Variants in SNAP91 observed in about 807,000 individuals in gnomAD.
The protein encoded by SNAP91 is synaptosome associated protein 91.
SNAP91 carries 27 observed loss-of-function variants against 100.3 expected under a neutral mutation model. The observed-to-expected ratio is 0.27, with a 90% confidence interval of 0.20 to 0.37. The LOEUF (loss-of-function observed/expected upper bound fraction) is 0.37. SNAP91 is among the 10% of genes least tolerant of loss of function. The pLI is 1.00. For missense variants in SNAP91, 986 were observed against 1,123.7 expected, an observed-to-expected ratio of 0.88 and a Z score of 1.75; for synonymous variants, 404 against 398.6, an observed-to-expected ratio of 1.01 and a Z score of -0.16.
intron 2 of SNAP91, among the ~76,000 whole-genome samples, chr6:83,677,552 C>T (rs2098928082): frequency 6.6e-6 from 1 of 152,092 alleles, no homozygotes; most frequent in Non-Finnish European, 1.5e-5. Context: ...ATTGTCAATC[C>T]TTAGGGTAGT....
chr6:83,648,502 G>A (rs1046518940), intron 7 of SNAP91, among the ~76,000 whole-genome samples: 2 of 151,902 alleles, frequency 1.3e-5, no homozygotes, highest in African/African-American at 4.8e-5. Flanking sequence ...TAAGTTAGGT[G>A]TATGTTTCTT....
At chr6:83,651,907 A>G (rs1347499469) in intron 7 of SNAP91, among the ~76,000 whole-genome samples, 1 of 152,098 alleles carries the variant, frequency 6.6e-6, no homozygotes, top group African/African-American at 2.4e-5. Flanking sequence ...TTTGCCACAC[A>G]TATTTGTTGA....
At chr6:83,626,420 T>A (rs538937276) in intron 8 of SNAP91, among the ~76,000 whole-genome samples, 1 of 152,150 alleles carries the variant, frequency 6.6e-6, no homozygotes, top group Non-Finnish European at 1.5e-5. Flanking sequence ...TTGATAGACA[T>A]AGCATTGAAT....
chr6:83,594,454 G>C lies in SNAP91; in HGVS notation c.1352C>G (p.Ala451Gly). 1 of 1,539,800 alleles carries C rather than the reference G, an allele frequency of 6.5e-7. No individual in the cohort carries two copies. The highest frequency in any genetic ancestry group is 1.2e-5 in the South Asian group (1 of 81,760). The change falls in exon 17 of 30, where the codon GCC becomes GGC. Residue 451 changes from alanine to glycine, a missense_variant. By Grantham distance (60) the Ala-to-Gly change is moderately conservative. Around this residue, in one of 4 missense-constraint regions of SNAP91, gnomAD observed 575 missense variants for 579.9 expected, o/e 0.99. Transcript: ENST00000369694. ...GGCGGCCCCTTCGGATGCTGCAGGG[G>C]CCTCCCCAGGAGAAGCTGCAAAGGC... Reference protein sequence around the residue: ...GDAFAASPGEAPAASEGAAAP... With the variant: ...GDAFAASPGEGPAASEGAAAP...
At chr6:83,561,409 G>A (rs1445689445) in intron 26 of SNAP91, among the ~76,000 whole-genome samples, 3 of 152,132 alleles carry the variant, frequency 2.0e-5, no homozygotes, top group African/African-American at 7.2e-5. Context: ...TGTATGAGTG[G>A]ATATGTAAAG....
chr6:83,602,546 G>C (rs2095328948), intron 14 of SNAP91, among the ~76,000 whole-genome samples: 1 of 152,082 alleles, frequency 6.6e-6, no homozygotes, highest in African/African-American at 2.4e-5. Context: ...TTTTTGCTTA[G>C]TCAAATAAAC....
intron 5 of SNAP91, among the ~76,000 whole-genome samples, chr6:83,661,131 A>G (rs1407531278): frequency 6.6e-6 from 1 of 152,178 alleles, no homozygotes; most frequent in African/African-American, 2.4e-5. Context: ...TACAGCCACT[A>G]TACTTTTAAG....
chr6:83,677,044 G>A (rs2128881526), intron 2 of SNAP91, among the ~76,000 whole-genome samples: 1 of 152,228 alleles, frequency 6.6e-6, no homozygotes, highest in South Asian at 2.1e-4. Flanking sequence ...TACACTCTCT[G>A]GAAAAAGGAA....
chr6:83,703,416 G>T (rs1392693221), intron 2 of SNAP91, among the ~76,000 whole-genome samples: 1 of 151,938 alleles, frequency 6.6e-6, no homozygotes, highest in Non-Finnish European at 1.5e-5. Context: ...GAACTTCTAT[G>T]AATTAAAATA....
intron 28 of SNAP91, 45 bp downstream of exon 28, chr6:83,560,059 C>T (rs1437432548): frequency 4.1e-6 from 6 of 1,476,590 alleles, no homozygotes; most frequent in Non-Finnish European, 4.7e-6. Context: ...ATGTTTTACA[C>T]TTATTAGTTA....
At chr6:83,605,173 AT>A (rs2095531687) in intron 14 of SNAP91, among the ~76,000 whole-genome samples, 1 of 152,088 alleles carries the variant, frequency 6.6e-6, no homozygotes, top group African/African-American at 2.4e-5. Flanking sequence ...TAAAGTATGG[AT>A]TTTTCTGGTA....
chr6:83,680,994 G>A (rs1396615967), intron 2 of SNAP91, among the ~76,000 whole-genome samples: 1 of 152,072 alleles, frequency 6.6e-6, no homozygotes, highest in Non-Finnish European at 1.5e-5. Context: ...CAGTCTGTAA[G>A]AACCTAATAT....
intron 28 of SNAP91, among the ~76,000 whole-genome samples, chr6:83,557,968 T>C (rs2127786013): frequency 6.6e-6 from 1 of 151,944 alleles, no homozygotes; most frequent in Middle Eastern, 3.4e-3. Context: ...GGAAATATAA[T>C]CTAAAAATTA....
intron 2 of SNAP91, among the ~76,000 whole-genome samples, chr6:83,704,552 T>C (rs1041382249): frequency 2.0e-5 from 3 of 152,170 alleles, no homozygotes; most frequent in Non-Finnish European, 4.4e-5. Context: ...TTAAGAATCA[T>C]TTTATAAGTC....
intron 26 of SNAP91, among the ~76,000 whole-genome samples, chr6:83,572,914 A>G (rs973048761): frequency 3.3e-5 from 5 of 152,178 alleles, no homozygotes; most frequent in African/African-American, 1.2e-4. Flanking sequence ...TGGGAATTTT[A>G]TTCAGATTTA....
intron 28 of SNAP91, among the ~76,000 whole-genome samples, chr6:83,556,865 C>T (rs1779696401): frequency 6.6e-6 from 1 of 152,120 alleles, no homozygotes; most frequent in Non-Finnish European, 1.5e-5. Flanking sequence ...ATTTCATATA[C>T]ATTATTTTAA....
Position 83,593,017 on chromosome 6 carries a change from T to A in SNAP91, c.1775A>T (p.Asp592Val), listed in dbSNP as rs1449886452. Residue 592 changes from aspartate (D) to valine (V), a missense_variant and splice_region_variant, in exon 20 of 30, where the codon GAT becomes GTT. Asp to Val is a radical substitution (Grantham distance 152, BLOSUM62 -3). This residue lies in a region of SNAP91 where 575 missense variants were observed against 579.9 expected (regional missense o/e 0.99). Coordinates refer to ENST00000369694, the MANE Select transcript of SNAP91 (RefSeq NM_001242792.2). Reference sequence around the variant, plus strand: ...CCCTTGTGGTGGAGAGGAGAAAGCATCTTCCAAAAGTGAAACAAACCAAAA... The same window carrying A: ...CCCTTGTGGTGGAGAGGAGAAAGCAACTTCCAAAAGTGAAACAAACCAAAA... Reference protein sequence around the residue: ...AAPSIDLFSTDAFSSPPQGAS... With the variant: ...AAPSIDLFSTVAFSSPPQGAS... The A allele has an allele frequency of 6.3e-7, 1 of 1,577,186 alleles. No individual in the cohort carries two copies. The highest frequency in any genetic ancestry group is 8.6e-7 in the Non-Finnish European group (1 of 1,160,912).
chr6:83,614,782 T>C, intron 11 of SNAP91, 75 bp downstream of exon 11: 1 of 1,055,200 alleles, frequency 9.5e-7, no homozygotes, highest in South Asian at 1.5e-5. Context: ...AAATACCAAA[T>C]GTGGAATCTT....
chr6:83,573,402 A>G (rs982251948), intron 26 of SNAP91, among the ~76,000 whole-genome samples: 5 of 152,354 alleles, frequency 3.3e-5, no homozygotes, highest in African/African-American at 1.2e-4. Context: ...ATTCAATGCC[A>G]TCCCCATCAA....
Sources: allele counts gnomAD v4.1 joint callset (sites outside exome capture counted in the v4.1 genomes callset), GRCh38; gene constraint gnomAD v4.1.1; regional missense constraint gnomAD v4.1.1; transcripts MANE v1.5; gene names NCBI Gene and HGNC (gene_info 2026-07-23, HGNC 2026-07-21).